The following ZNF444 variants were observed in gnomAD, a reference collection of about 807,000 sequenced individuals.
The protein encoded by ZNF444 is zinc finger protein 444.
A neutral mutation model predicts 14.4 loss-of-function variants in ZNF444; 8 were observed. The ratio of observed to expected loss-of-function variants is 0.56; its 90% CI spans 0.33 to 1.00. ZNF444 has a LOEUF of 1.00. Ranked by LOEUF, ZNF444 falls within the 50% of genes least tolerant of loss-of-function variation. The probability of loss-of-function intolerance (pLI) is 0.03; values close to 1 mark genes in which losing one functional copy is unlikely to be tolerated. For missense variants in ZNF444, 510 were observed against 504.8 expected, an observed-to-expected ratio of 1.01 and a Z score of -0.10; for synonymous variants, 258 against 235.9, an observed-to-expected ratio of 1.09 and a Z score of -0.86.
intron 3 of ZNF444, among the ~76,000 whole-genome samples, chr19:56,153,280 A>G (rs1287751690): frequency 6.6e-6 from 1 of 152,076 alleles, no homozygotes; most frequent in Non-Finnish European, 1.5e-5. Flanking sequence ...GAGTTTGTTT[A>G]TGACTTTTTT....
chr19:56,134,631 AG>A (rs1215712251), intron 1 of ZNF444, among the ~76,000 whole-genome samples: 3 of 152,146 alleles, frequency 2.0e-5, no homozygotes, highest in Non-Finnish European at 4.4e-5. Context: ...CAGATGAAGA[AG>A]TGGAGGAAGG....
Position 56,159,655 on chromosome 19 carries a change from G to A in ZNF444, c.438G>A (p.Ala146=), listed in dbSNP as rs532036618. The A allele has an allele frequency of 1.8e-5, 26 of 1,466,016 alleles. No homozygotes were observed. The African/African-American group carries it at 1.9e-4, about 11-fold the overall frequency. 90.8% of individuals were successfully genotyped at this position (1,466,016 alleles called of 1,614,324 possible). ...AGTAPGAEGP[A]PGDSQAVRPY... ...CCGCCCCTGGGGCTGAGGGGCCGGCGCCTGGGGACTCCCAGGCTGTGCGCC... is the reference window on the plus strand; with the variant it reads ...CCGCCCCTGGGGCTGAGGGGCCGGCACCTGGGGACTCCCAGGCTGTGCGCC... Residue 146 remains alanine (A), a synonymous_variant, in exon 5 of 5, where the codon GCG becomes GCA. Transcript: ENST00000337080.
upstream of ZNF444, among the ~76,000 whole-genome samples, chr19:56,139,954 G>A (rs669866): frequency 0.91 from 138,536 of 152,142 alleles, 63,863 homozygotes; most frequent in Non-Finnish European, 0.99. Flanking sequence ...GAAGATCAGC[G>A]TGCTCTAGGA....
At chr19:56,143,562 C>T (rs1005360781) in intron 1 of ZNF444, 5 of 152,186 alleles carry the variant, frequency 3.3e-5, no homozygotes, top group African/African-American at 7.2e-5. Context: ...CAAGTCCAGG[C>T]TCTGCCACGT....
At chr19:56,154,744 C>T (rs1298380916) in intron 3 of ZNF444, 1 of 152,162 alleles carries the variant, frequency 6.6e-6, no homozygotes, top group Non-Finnish European at 1.5e-5. Context: ...CCCAGATACA[C>T]GAGGATGCTT....
chr19:56,155,306 G>C (rs536506861), intron 3 of ZNF444: 6 of 152,712 alleles, frequency 3.9e-5, no homozygotes, highest in African/African-American at 9.6e-5. Context: ...CAACCTGCAG[G>C]GGGTGCTGCT....
chr19:56,133,029 T>C (rs1370861224), intron 1 of ZNF444, among the ~76,000 whole-genome samples: 1 of 132,882 alleles, frequency 7.5e-6, no homozygotes, highest in Non-Finnish European at 1.6e-5. Flanking sequence ...CCTCCACCTC[T>C]TAGGTTCAAG....
upstream of ZNF444, among the ~76,000 whole-genome samples, chr19:56,139,687 A>AAAAAC (rs1234402250): frequency 2.1e-5 from 3 of 144,634 alleles, no homozygotes; most frequent in Admixed American, 7.1e-5. Context: ...CCCTGTATCA[A>AAAAAC]AAAACAAAAC....
In ZNF444 at chr19:56,144,316, AG is replaced by A. The variant is rs199630386; in HGVS notation, c.-196-1930del. On this transcript the variant is annotated intron_variant, in intron 1 of 4. Transcript: ENST00000337080. The surrounding 1 kb of genome is among the most constrained non-coding windows in gnomAD (Gnocchi z 4.0). ...AGAGAGAGACCCTGTCTTAAAAAAAAGAAAAAAGAAAAAAAGGGATCCATTG... is the reference window on the plus strand; with the variant it reads ...AGAGAGAGACCCTGTCTTAAAAAAAAAAAAAAGAAAAAAAGGGATCCATTG... 7.2e-5 allele frequency among the ~76,000 whole-genome samples: 11 copies of A among 151,742 alleles called. No individual in the cohort carries two copies. The highest frequency in any genetic ancestry group is 1.2e-4 in the African/African-American group (5 of 41,154).
At chr19:56,148,311 A>G (rs1599879290) in intron 3 of ZNF444, among the ~76,000 whole-genome samples, 1 of 152,080 alleles carries the variant, frequency 6.6e-6, no homozygotes, top group African/African-American at 2.4e-5. Context: ...AGGGGCCCTG[A>G]GTGAGGGGGT....
chr19:56,146,821 C>T, intron 2 of ZNF444, 69 bp from the exon 3 acceptor site: 2 of 1,148,054 alleles, frequency 1.7e-6, no homozygotes, highest in South Asian at 2.5e-5. Flanking sequence ...AGCGTTGGTC[C>T]CATTGTGAGT....
At chr19:56,136,036 C>T (rs1030406519) in intron 1 of ZNF444, among the ~76,000 whole-genome samples, 1 of 144,922 alleles carries the variant, frequency 6.9e-6, no homozygotes, top group Non-Finnish European at 1.5e-5. Context: ...GAGCCAAGAT[C>T]TCACCACTGC....
chr19:56,154,600 C>T (rs988658122), intron 3 of ZNF444: 1 of 151,404 alleles, frequency 6.6e-6, no homozygotes, highest in Admixed American at 6.6e-5. Flanking sequence ...CCCCCACCCC[C>T]AACCACCTAA....
chr19:56,134,322 C>G (rs79992699), intron 1 of ZNF444, among the ~76,000 whole-genome samples: 25 of 152,186 alleles, frequency 1.6e-4, no homozygotes, highest in Non-Finnish European at 3.4e-4. Flanking sequence ...GGAATTCTCG[C>G]CCTCAGGCCT....
intron 3 of ZNF444, among the ~76,000 whole-genome samples, chr19:56,152,515 C>T (rs1223834796): frequency 6.8e-6 from 1 of 147,874 alleles, no homozygotes; most frequent in Non-Finnish European, 1.5e-5. Flanking sequence ...AGCTGGTTTA[C>T]GTCTCTGAAT....
upstream of ZNF444, among the ~76,000 whole-genome samples, chr19:56,136,350 G>A (rs1037337746): frequency 1.3e-5 from 2 of 152,124 alleles, no homozygotes; most frequent in African/African-American, 4.8e-5. Context: ...CGGATCCTTT[G>A]TGCCCATACA....
At position 56,160,203 on chromosome 19, in the gene ZNF444, C is replaced by G; in HGVS notation, c.*2C>G. The G allele has an allele frequency of 2.1e-6, 3 of 1,441,196 alleles. No individual in the cohort carries two copies. The highest frequency in any genetic ancestry group is 2.5e-4 in the Middle Eastern group (1 of 4,028). 89.3% of individuals were successfully genotyped at this position (1,441,196 alleles called of 1,614,324 possible). ...TTCCCGCCCTGGCCCTTGGGTTAGC[C>G]GCCTCCCGGCCAGCGCCATCTCCCG... On this transcript the variant is annotated 3_prime_UTR_variant, in exon 5 of 5. Transcript: ENST00000337080.
chr19:56,132,931 C>CTTTTTTTT (rs1488948457), intron 1 of ZNF444, among the ~76,000 whole-genome samples: 1 of 38,116 alleles, frequency 2.6e-5, no homozygotes. Flanking sequence ...TTCTTTCTTT[C>CTTTTTTTT]TTTCTTTTTT....
upstream of ZNF444, among the ~76,000 whole-genome samples, chr19:56,139,090 G>A (rs1032305877): frequency 6.6e-6 from 1 of 151,830 alleles, no homozygotes; most frequent in Non-Finnish European, 1.5e-5. Flanking sequence ...CACCACACCC[G>A]GCCTAGCTTG....
Sources: allele counts gnomAD v4.1 joint callset (sites outside exome capture counted in the v4.1 genomes callset), GRCh38; gene constraint gnomAD v4.1.1; non-coding constraint Gnocchi (gnomAD v3.1); transcripts MANE v1.5; gene names NCBI Gene and HGNC (gene_info 2026-07-23, HGNC 2026-07-21).